Variants in GPC5 observed in about 807,000 individuals in gnomAD.
GPC5 encodes the protein glypican 5.
Under a neutral mutation model 53.9 loss-of-function variants are expected in GPC5, and 47 were observed. That is an observed-to-expected ratio of 0.87 (90% CI 0.69 to 1.11). GPC5 has a LOEUF of 1.11. GPC5 is among the 50% of genes most tolerant of loss of function. The pLI, the probability that GPC5 is intolerant of heterozygous loss-of-function variation, is 0.00. For synonymous variants in GPC5, 286 were observed against 263.3 expected (o/e 1.09, Z -0.84); for missense variants, 748 against 713.1 (o/e 1.05, Z -0.56).
chr13:91,473,393 C>G (rs568554062), intron 2 of GPC5, among the ~76,000 whole-genome samples: 1 of 152,146 alleles, frequency 6.6e-6, no homozygotes, highest in South Asian at 2.1e-4. Flanking sequence ...ATAGTTCAAT[C>G]AATGGAATGA....
chr13:91,779,790 A>G (rs1594556099), intron 5 of GPC5, among the ~76,000 whole-genome samples: 2 of 152,176 alleles, frequency 1.3e-5, no homozygotes, highest in East Asian at 3.8e-4. Context: ...GAAAGTCTGC[A>G]GGGAAAGTCA....
At chr13:91,448,635 G>A (rs753811534) in intron 1 of GPC5, 126 bp from the exon 2 acceptor site, 53 of 859,872 alleles carry the variant, frequency 6.2e-5, no homozygotes, top group Non-Finnish European at 8.5e-5. Flanking sequence ...CTTATAGCAA[G>A]TACTCTAGCA....
chr13:92,329,061 A>G (rs2043271330), intron 7 of GPC5, among the ~76,000 whole-genome samples: 1 of 152,128 alleles, frequency 6.6e-6, no homozygotes, highest in African/African-American at 2.4e-5. Flanking sequence ...CTGAGAGGGA[A>G]GGGACTCAGA....
chr13:92,238,312 A>C (rs2042584946), intron 7 of GPC5, among the ~76,000 whole-genome samples: 1 of 151,976 alleles, frequency 6.6e-6, no homozygotes, highest in Non-Finnish European at 1.5e-5. Context: ...TTACCTCCAG[A>C]AAGAAATGTA....
At chr13:92,396,769 A>G (rs1185181431) in intron 7 of GPC5, among the ~76,000 whole-genome samples, 2 of 152,170 alleles carry the variant, frequency 1.3e-5, no homozygotes, top group Admixed American at 6.5e-5. Flanking sequence ...CTATAATCTT[A>G]TAATAAAATC....
chr13:91,467,296 T>C (rs1315599140), intron 2 of GPC5, among the ~76,000 whole-genome samples: 1 of 152,110 alleles, frequency 6.6e-6, no homozygotes, highest in African/African-American at 2.4e-5. Context: ...AGGTGATCCC[T>C]GTCACCACAG....
chr13:92,857,317 C>T (rs1391122345), intron 7 of GPC5, among the ~76,000 whole-genome samples: 2 of 151,894 alleles, frequency 1.3e-5, no homozygotes, highest in East Asian at 1.9e-4. Flanking sequence ...AAAAATTAAC[C>T]GAAAATGGAT....
intron 7 of GPC5, among the ~76,000 whole-genome samples, chr13:92,146,229 A>C (rs2041866372): frequency 6.6e-6 from 1 of 152,142 alleles, no homozygotes; most frequent in Non-Finnish European, 1.5e-5. Context: ...TCTTATGAGT[A>C]TTAATATAGC....
intron 3 of GPC5, among the ~76,000 whole-genome samples, chr13:91,696,720 A>G (rs967533960): frequency 6.6e-6 from 1 of 152,224 alleles, no homozygotes; most frequent in Non-Finnish European, 1.5e-5. Flanking sequence ...AACTGGAAAC[A>G]AAGTTTAGTT....
At chr13:92,145,769 G>T (rs1162035905) in intron 7 of GPC5, among the ~76,000 whole-genome samples, 1 of 152,094 alleles carries the variant, frequency 6.6e-6, no homozygotes, top group Non-Finnish European at 1.5e-5. Flanking sequence ...ATGTAATCTT[G>T]ATTATACCAA....
At chr13:92,452,920 A>G (rs1878123457) in intron 7 of GPC5, among the ~76,000 whole-genome samples, 1 of 152,144 alleles carries the variant, frequency 6.6e-6, no homozygotes. Flanking sequence ...GCTAATTCCC[A>G]GCTACTGCAA....
intron 6 of GPC5, among the ~76,000 whole-genome samples, chr13:91,978,190 C>G (rs1244329213): frequency 6.6e-6 from 1 of 152,144 alleles, no homozygotes; most frequent in South Asian, 2.1e-4. Flanking sequence ...TCAGGCCCAG[C>G]TGAAAGCTAA....
At chr13:91,697,432 C>T (rs550199899) in intron 3 of GPC5, among the ~76,000 whole-genome samples, 24 of 152,228 alleles carry the variant, frequency 1.6e-4, no homozygotes, top group South Asian at 2.1e-4. Flanking sequence ...TGAGCCACCA[C>T]GCCTGGCCTT....
intron 2 of GPC5, among the ~76,000 whole-genome samples, chr13:91,627,789 C>T (rs2034046336): frequency 6.6e-6 from 1 of 152,072 alleles, no homozygotes; most frequent in Admixed American, 6.6e-5. Context: ...ATTTTGATGC[C>T]TGTAGCCTTC....
At chr13:92,057,085 C>A (rs1439560735) in intron 6 of GPC5, among the ~76,000 whole-genome samples, 1 of 152,100 alleles carries the variant, frequency 6.6e-6, no homozygotes, top group African/African-American at 2.4e-5. Flanking sequence ...TTATGACTGG[C>A]TTTTTCAAAT....
intron 1 of GPC5, among the ~76,000 whole-genome samples, chr13:91,441,551 A>C (rs1880429325): frequency 6.6e-6 from 1 of 152,208 alleles, no homozygotes. Flanking sequence ...ATTCATTTTC[A>C]GCAGTAGAGA....
At chr13:91,664,362 C>T (rs1192773730) in intron 2 of GPC5, among the ~76,000 whole-genome samples, 1 of 152,194 alleles carries the variant, frequency 6.6e-6, no homozygotes, top group Non-Finnish European at 1.5e-5. Context: ...TGTGAGGAGT[C>T]CCTGCTTGCA....
At chr13:92,385,519 CATATGCAT>C (rs1555331947) in intron 7 of GPC5, among the ~76,000 whole-genome samples, 2 of 74,182 alleles carry the variant, frequency 2.7e-5, no homozygotes, top group African/African-American at 1.6e-4. Flanking sequence ...TATATACATA[CATATGCAT>C]ATATACATAT....
At chr13:91,946,834 GC>G (rs373957286) in intron 6 of GPC5, among the ~76,000 whole-genome samples, 76 of 152,222 alleles carry the variant, frequency 5.0e-4, no homozygotes, top group African/African-American at 1.8e-3. Flanking sequence ...GGTACCTTAG[GC>G]CATAGGATAT....
Sources: allele counts gnomAD v4.1 joint callset (sites outside exome capture counted in the v4.1 genomes callset), GRCh38; gene constraint gnomAD v4.1.1; transcripts MANE v1.5; gene names NCBI Gene and HGNC (gene_info 2026-07-23, HGNC 2026-07-21).